The following ASTN2 variants were observed in gnomAD, a reference collection of about 807,000 sequenced individuals.
ASTN2 encodes astrotactin 2.
ASTN2 carries 54 observed loss-of-function variants against 139.8 expected under a neutral mutation model. That is an observed-to-expected ratio of 0.39 (90% CI 0.31 to 0.48). The LOEUF (loss-of-function observed/expected upper bound fraction) is 0.48, where lower values mean the gene tolerates loss of function less well. ASTN2 is among the 20% of genes least tolerant of loss of function. The pLI is 0.95. For synonymous variants in ASTN2, 756 were observed against 719.5 expected (o/e 1.05, Z -0.81); for missense variants, 1,565 against 1,725.1 (o/e 0.91, Z 1.64).
chr9:116,692,336 A>C (rs1860612125), intron 16 of ASTN2, among the ~76,000 whole-genome samples: 1 of 152,192 alleles, frequency 6.6e-6, no homozygotes, highest in Admixed American at 6.5e-5. Context: ...AGTCTGCTGA[A>C]AAGTGCCTAT....
intron 5 of ASTN2, among the ~76,000 whole-genome samples, chr9:117,077,773 A>G (rs1156332952): frequency 6.6e-6 from 1 of 152,058 alleles, no homozygotes; most frequent in Non-Finnish European, 1.5e-5. Context: ...AACAAAACAA[A>G]AACAGTATCC....
chr9:116,975,127 G>C (rs938296109), intron 10 of ASTN2, 81 bp downstream of exon 10: 3 of 1,415,182 alleles, frequency 2.1e-6, no homozygotes, highest in Non-Finnish European at 2.8e-6. Flanking sequence ...ACACTCCTTA[G>C]GGGTTCCTGT....
intron 19 of ASTN2, among the ~76,000 whole-genome samples, chr9:116,490,303 A>AAAAAAAAAAAAAAAAAAAAAAAAAG (rs1564314423): frequency 9.6e-6 from 1 of 104,574 alleles, no homozygotes; most frequent in Non-Finnish European, 2.0e-5. Flanking sequence ...AAAAAAAAAA[A>AAAAAAAAAAAAAAAAAAAAAAAAAG]GGGGGCATTG....
chr9:117,035,596 C>A (rs377187813), intron 6 of ASTN2, among the ~76,000 whole-genome samples: 1 of 152,140 alleles, frequency 6.6e-6, no homozygotes, highest in African/African-American at 2.4e-5. Context: ...CCCTTCATAT[C>A]CCAGTTTCTG....
At chr9:117,007,181 G>A (rs1322157049) in intron 7 of ASTN2, among the ~76,000 whole-genome samples, 4 of 152,010 alleles carry the variant, frequency 2.6e-5, no homozygotes, top group Non-Finnish European at 5.9e-5. Flanking sequence ...TCTCAGAGAG[G>A]CCTCCCCTGA....
chr9:117,110,457 G>A (rs891700892), intron 4 of ASTN2, among the ~76,000 whole-genome samples: 1 of 152,128 alleles, frequency 6.6e-6, no homozygotes, highest in Non-Finnish European at 1.5e-5. Flanking sequence ...CTTTGATGAT[G>A]ATGATAAAAT....
intron 5 of ASTN2, among the ~76,000 whole-genome samples, chr9:117,091,417 T>A (rs1032071340): frequency 1.3e-5 from 2 of 152,094 alleles, no homozygotes; most frequent in Admixed American, 1.3e-4. Flanking sequence ...CAAATAGTAC[T>A]CAGGGAGCAT....
At chr9:116,548,011 A>G (rs968803157) in intron 19 of ASTN2, among the ~76,000 whole-genome samples, 2 of 152,064 alleles carry the variant, frequency 1.3e-5, no homozygotes, top group Non-Finnish European at 2.9e-5. Context: ...TGGCAGCCCC[A>G]CTTTGCCTAG....
chr9:117,037,198 C>T (rs1336323533), intron 6 of ASTN2, among the ~76,000 whole-genome samples: 1 of 152,058 alleles, frequency 6.6e-6, no homozygotes, highest in Non-Finnish European at 1.5e-5. Flanking sequence ...CAGAAACAGA[C>T]AATTCCACAG....
rs989769445 is a variant in ASTN2, at chr9:116,551,656, G to A, written c.3356-64156C>T. Reference sequence around the variant, plus strand: ...TGTGCCTATATCCGCTCTGCCCACTGTCTTTTCCTCCAGCACCCCCTACAA... The same window carrying A: ...TGTGCCTATATCCGCTCTGCCCACTATCTTTTCCTCCAGCACCCCCTACAA... On this transcript the variant is annotated intron_variant, in intron 19 of 22. Transcript: ENST00000313400. 3.9e-5 allele frequency among the ~76,000 whole-genome samples: 6 copies of A among 152,100 alleles called. No individual in the cohort carries two copies. In the South Asian group the frequency reaches 1.2e-3, roughly 32 times the overall value.
At chr9:116,794,558 T>G (rs138740924) in intron 13 of ASTN2, among the ~76,000 whole-genome samples, 1 of 152,238 alleles carries the variant, frequency 6.6e-6, no homozygotes, top group Non-Finnish European at 1.5e-5. Context: ...CCATGGAGTG[T>G]TTAGAAGAGC....
intron 19 of ASTN2, among the ~76,000 whole-genome samples, chr9:116,500,928 G>A (rs973515446): frequency 6.6e-6 from 1 of 152,218 alleles, no homozygotes; most frequent in Non-Finnish European, 1.5e-5. Flanking sequence ...TAGGGAAAGT[G>A]AATTATCCTC....
At chr9:116,691,034 C>T (rs1473986507) in intron 16 of ASTN2, among the ~76,000 whole-genome samples, 1 of 152,184 alleles carries the variant, frequency 6.6e-6, no homozygotes, top group Non-Finnish European at 1.5e-5. Context: ...ATCCTCCCAT[C>T]TCAGCCTCCC....
chr9:116,528,833 A>G (rs1851205793), intron 19 of ASTN2, among the ~76,000 whole-genome samples: 1 of 152,072 alleles, frequency 6.6e-6, no homozygotes, highest in Non-Finnish European at 1.5e-5. Context: ...TGCAAGCCCC[A>G]CGTCTTGGTG....
chr9:116,940,625 TTAC>T (rs771445536), intron 10 of ASTN2, among the ~76,000 whole-genome samples: 9 of 152,212 alleles, frequency 5.9e-5, no homozygotes, highest in Admixed American at 1.3e-4. Context: ...AAGCTAAGTG[TTAC>T]TACAAGTCAA....
At chr9:116,652,153 A>C (rs942650988) in intron 16 of ASTN2, among the ~76,000 whole-genome samples, 1 of 151,868 alleles carries the variant, frequency 6.6e-6, no homozygotes, top group Non-Finnish European at 1.5e-5. Flanking sequence ...GCAAAAACCC[A>C]TATCTACTAA....
intron 4 of ASTN2, among the ~76,000 whole-genome samples, chr9:117,106,770 ATATCTATCTATCTATC>A (rs35855942): frequency 6.6e-6 from 1 of 151,920 alleles, no homozygotes; most frequent in Non-Finnish European, 1.5e-5. Flanking sequence ...TTTGTAAAAA[ATATCTATCTATCTATC>A]TATCTGTCTA....
At chr9:117,039,626 T>G (rs1267764534) in intron 6 of ASTN2, among the ~76,000 whole-genome samples, 193 bp downstream of exon 6, 1 of 152,058 alleles carries the variant, frequency 6.6e-6, no homozygotes, top group Non-Finnish European at 1.5e-5. Flanking sequence ...ATAAAAGCAG[T>G]CTTTAATTTA....
chr9:116,945,366 G>A (rs1214526335), intron 10 of ASTN2, among the ~76,000 whole-genome samples: 2 of 152,144 alleles, frequency 1.3e-5, no homozygotes, highest in Non-Finnish European at 2.9e-5. Flanking sequence ...CATGTTCTGT[G>A]AGTAATGAAA....
Sources: allele counts gnomAD v4.1 joint callset (sites outside exome capture counted in the v4.1 genomes callset), GRCh38; gene constraint gnomAD v4.1.1; transcripts MANE v1.5; gene names NCBI Gene and HGNC (gene_info 2026-07-23, HGNC 2026-07-21).